The following GNAL variants were observed in gnomAD, a reference collection of about 807,000 sequenced individuals.
GNAL encodes the protein G protein subunit alpha L.
GNAL carries 18 observed loss-of-function variants against 55.1 expected under a neutral mutation model. That is an observed-to-expected ratio of 0.33 (90% CI 0.23 to 0.48). The LOEUF (loss-of-function observed/expected upper bound fraction) is 0.48. GNAL is among the 20% of genes least tolerant of loss of function. The pLI, the probability that GNAL is intolerant of heterozygous loss-of-function variation, is 0.99. For missense variants in GNAL, 412 were observed against 614.1 expected, an observed-to-expected ratio of 0.67 and a Z score of 3.48; for synonymous variants, 253 against 237.0, an observed-to-expected ratio of 1.07 and a Z score of -0.62.
chr18:11,837,172 G>A (rs941308229), intron 5 of GNAL, among the ~76,000 whole-genome samples: 1 of 152,040 alleles, frequency 6.6e-6, no homozygotes, highest in Admixed American at 6.6e-5. Flanking sequence ...TGTATTTTTA[G>A]TAGTGCTGGC....
rs149298405 is a variant in GNAL, at chr18:11,881,212, G to A, written c.*77G>A. 5,067 of 1,407,932 alleles carry A rather than the reference G, an allele frequency of 3.6e-3. 31 individuals carry two copies. Among genetic ancestry groups the A allele is most frequent in the East Asian group, 0.024 (957 of 40,208 alleles). The allele number at this position is 1,407,932 out of a possible 1,614,324, so 87.2% of individuals were successfully genotyped here. ...CAGCCCCATGCCATGGTAGGAGGCAGAGTCTCTAGTTCCATCTCGCTGCCG... is the reference window on the plus strand; with the variant it reads ...CAGCCCCATGCCATGGTAGGAGGCAAAGTCTCTAGTTCCATCTCGCTGCCG... On this transcript the variant is annotated 3_prime_UTR_variant, in exon 12 of 12. Transcript: ENST00000334049. This position sits in a 1 kb window ranked among gnomAD's most constrained non-coding sequence, Gnocchi z 4.8.
intron 7 of GNAL, among the ~76,000 whole-genome samples, chr18:11,865,255 T>A (rs2036235871): frequency 6.7e-6 from 1 of 149,418 alleles, no homozygotes; most frequent in Non-Finnish European, 1.5e-5. Flanking sequence ...CTACTGCTTG[T>A]GCACCGTATG....
intron 5 of GNAL, chr18:11,857,772 T>TACTTTGTCACCACGTGAGTA: frequency 1.0e-6 from 1 of 979,972 alleles, no homozygotes; most frequent in African/African-American, 1.7e-5. Flanking sequence ...AACTGCCTGG[T>TACTTTGTCACCACGTGAGTA]ACTTTGTCAC....
chr18:11,857,906 C>A, intron 5 of GNAL: 1 of 192,780 alleles, frequency 5.2e-6, no homozygotes, highest in Non-Finnish European at 9.5e-6. Context: ...TATCATGAGT[C>A]AAATTTCATT....
At chr18:11,774,671 T>C (rs930186728) in intron 4 of GNAL, among the ~76,000 whole-genome samples, 1 of 152,102 alleles carries the variant, frequency 6.6e-6, no homozygotes, top group Non-Finnish European at 1.5e-5. Context: ...GGGTAGAGAA[T>C]GGTTCAGAAT....
chr18:11,848,357 C>T (rs576134832), intron 5 of GNAL, among the ~76,000 whole-genome samples: 13 of 152,234 alleles, frequency 8.5e-5, no homozygotes, highest in African/African-American at 2.9e-4. Flanking sequence ...TCCACCTATA[C>T]CTTCTCTCCA....
chr18:11,851,245 C>A (rs555092000), intron 5 of GNAL, among the ~76,000 whole-genome samples: 1 of 152,238 alleles, frequency 6.6e-6, no homozygotes, highest in African/African-American at 2.4e-5. Context: ...GAGCGTTCCC[C>A]GCCGCAGCGC....
Position 11,821,900 on chromosome 18 carries a change from G to C in GNAL, c.625-3018G>C, listed in dbSNP as rs116335769. Among the ~76,000 whole-genome samples, 1,191 of 152,374 alleles carry C rather than the reference G, an allele frequency of 7.8e-3. 8 individuals carry two copies. The highest frequency in any genetic ancestry group is 0.027 in the African/African-American group (1,120 of 41,596). The stretch of plus-strand genomic sequence containing the variant: ...CCCTGCAGCGCACATCCGCCCTCTG[G>C]CGAGGCCAGGCCGGCATCCAGTGTG... On this transcript the variant is annotated intron_variant, in intron 4 of 11. Transcript: ENST00000334049.
chr18:11,823,111 A>T (rs1647552), intron 4 of GNAL, among the ~76,000 whole-genome samples: 150,829 of 152,312 alleles, frequency 0.99, 74,694 homozygotes, highest in Middle Eastern at 1. Flanking sequence ...TTCATGGCCA[A>T]CTTGATAACG....
chr18:11,784,066 A>G (rs757250747), intron 4 of GNAL, among the ~76,000 whole-genome samples: 22 of 152,224 alleles, frequency 1.4e-4, no homozygotes, highest in Non-Finnish European at 2.2e-4. Flanking sequence ...CCTCATGTCC[A>G]CGTGGCCCAG....
Position 11,712,340 on chromosome 18 carries a change from C to T in GNAL, c.376+22401C>T, listed in dbSNP as rs11874913. ...TGTGCCAGCTTGGGGGCAGGCCCGA[C>T]GTGCATAAAATTGAATTGCCCTTTT... On this transcript the variant is annotated intron_variant, in intron 1 of 11. Coordinates refer to ENST00000334049, the MANE Select transcript of GNAL (RefSeq NM_182978.4). Among the ~76,000 whole-genome samples, 962 of 152,278 alleles carry T rather than the reference C, an allele frequency of 6.3e-3. 4 individuals are homozygous for T. The highest frequency in any genetic ancestry group is 0.021 in the African/African-American group (880 of 41,562).
Position 11,825,003 on chromosome 18 carries a change from A to G in GNAL, c.710A>G (p.Asp237Gly). 6.3e-7 allele frequency: 1 copy of G among 1,576,064 alleles called. No individual in the cohort carries two copies. The highest frequency in any genetic ancestry group is 8.7e-7 in the Non-Finnish European group (1 of 1,146,802). The part of the protein sequence containing the change: ...FERSNEYQLI[D>G]CAQYFLERID... ...AGATCCAACGAATACCAGCTGATTG[A>G]CTGTGCACAATAGTAAGTTGTGTCC... Residue 237 changes from aspartate (D) to glycine (G), a missense_variant, in exon 5 of 12, where the codon GAC becomes GGC. Physicochemically the swap from Asp to Gly is moderately conservative, Grantham distance 94. Transcript: ENST00000334049.
chr18:11,872,902 G>A (rs2036429563), intron 10 of GNAL, among the ~76,000 whole-genome samples: 1 of 152,258 alleles, frequency 6.6e-6, no homozygotes, highest in South Asian at 2.1e-4. Flanking sequence ...CATGCTGGCA[G>A]CAGCCGCGCT....
chr18:11,820,235 T>C (rs1399758499), intron 4 of GNAL, among the ~76,000 whole-genome samples: 2 of 152,216 alleles, frequency 1.3e-5, no homozygotes, highest in African/African-American at 2.4e-5. Context: ...TTCTTATATC[T>C]GTTGTTTCTC....
chr18:11,853,527 T>C (rs749058189), intron 5 of GNAL: 5 of 167,100 alleles, frequency 3.0e-5, no homozygotes, highest in Non-Finnish European at 7.3e-5. Context: ...ATTCCATTGT[T>C]TCAGAAAATA....
chr18:11,878,326 G>A lies in GNAL; in HGVS notation c.1230+1638G>A, dbSNP rs539585391. Among the ~76,000 whole-genome samples the A allele has an allele frequency of 8.5e-5, 13 of 152,188 alleles. No homozygotes were observed. The East Asian group carries it at 1.6e-3, about 18-fold the overall frequency. Reference sequence around the variant, plus strand: ...CGTACCTGGGTATGGTGGCACAGGCGTGTAGTCCCAGCTACTCAGGAGGCT... The same window carrying A: ...CGTACCTGGGTATGGTGGCACAGGCATGTAGTCCCAGCTACTCAGGAGGCT... On this transcript the variant is annotated intron_variant, in intron 11 of 11. Coordinates refer to ENST00000334049, the MANE Select transcript of GNAL (RefSeq NM_182978.4).
At chr18:11,698,463 C>G (rs953337254) in intron 1 of GNAL, among the ~76,000 whole-genome samples, 3 of 143,034 alleles carry the variant, frequency 2.1e-5, no homozygotes, top group African/African-American at 8.5e-5. Context: ...TACACTCCAT[C>G]CTGGGAGACA....
At chr18:11,790,086 T>C (rs2034186545) in intron 4 of GNAL, among the ~76,000 whole-genome samples, 1 of 152,220 alleles carries the variant, frequency 6.6e-6, no homozygotes, top group Admixed American at 6.5e-5. Flanking sequence ...GCTGTTGTTC[T>C]TAGAACAATG....
At chr18:11,844,317 C>G (rs1232008302) in intron 5 of GNAL, among the ~76,000 whole-genome samples, 1 of 152,002 alleles carries the variant, frequency 6.6e-6, no homozygotes, top group Non-Finnish European at 1.5e-5. Context: ...GCCTGTAGTC[C>G]CAGCTACTCA....
Sources: gnomAD v4.1 joint callset for allele counts (sites outside exome capture counted in the v4.1 genomes callset) on GRCh38, gnomAD v4.1.1 for gene constraint, Gnocchi (gnomAD v3.1) non-coding constraint, MANE v1.5 for transcripts, NCBI Gene and HGNC (gene_info 2026-07-23, HGNC 2026-07-21) for gene names.